The following FNDC3A variants were observed in gnomAD, a reference collection of about 807,000 sequenced individuals.
FNDC3A encodes fibronectin type-III domain-containing protein 3A.
A neutral mutation model predicts 148.9 loss-of-function variants in FNDC3A; 32 were observed. The ratio of observed to expected loss-of-function variants is 0.21; its 90% CI spans 0.16 to 0.29. The LOEUF is 0.29. FNDC3A is among the 10% of genes least tolerant of loss of function. FNDC3A has a pLI of 1.00. For missense variants in FNDC3A, 1,191 were observed against 1,452.8 expected (o/e 0.82, Z 2.93); for synonymous variants, 472 against 473.6 (o/e 1.00, Z 0.04).
chr13:49,037,245 A>T (rs1049042079), intron 2 of FNDC3A, among the ~76,000 whole-genome samples: 7 of 152,248 alleles, frequency 4.6e-5, no homozygotes, highest in African/African-American at 1.7e-4. Context: ...ACTATATGCC[A>T]GTCACTGTTC....
At chr13:49,006,062 T>C (rs967674746) in intron 1 of FNDC3A, 90 bp from the exon 2 acceptor site, 18 of 493,872 alleles carry the variant, frequency 3.6e-5, no homozygotes, top group Admixed American at 1.2e-4. Context: ...AATATCTCTT[T>C]AGGTTAAAGA....
intron 8 of FNDC3A, among the ~76,000 whole-genome samples, chr13:49,155,178 T>G (rs1404323039): frequency 6.6e-6 from 1 of 151,918 alleles, no homozygotes; most frequent in Admixed American, 6.6e-5. Context: ...AACTATTGAT[T>G]ATCGCCACAA....
chr13:48,996,968 C>T (rs1196431585), intron 1 of FNDC3A, among the ~76,000 whole-genome samples: 1 of 151,168 alleles, frequency 6.6e-6, no homozygotes. Context: ...GAGGGTGAGA[C>T]AGGAAAATTG....
At chr13:48,999,757 T>G (rs1047507924) in intron 1 of FNDC3A, among the ~76,000 whole-genome samples, 2 of 152,120 alleles carry the variant, frequency 1.3e-5, no homozygotes, top group Admixed American at 6.5e-5. Context: ...GGAGCTCCCA[T>G]GATGTGATTA....
At chr13:49,107,220 A>G (rs1880252107) in intron 3 of FNDC3A, among the ~76,000 whole-genome samples, 1 of 149,946 alleles carries the variant, frequency 6.7e-6, no homozygotes, top group East Asian at 1.9e-4. Flanking sequence ...GTCAGAAAAT[A>G]GAGTCATGTT....
At chr13:49,182,969 C>T (rs555128415) in intron 14 of FNDC3A, among the ~76,000 whole-genome samples, 13 of 152,182 alleles carry the variant, frequency 8.5e-5, no homozygotes, top group African/African-American at 3.1e-4. Flanking sequence ...TCTTTTTTCA[C>T]CTTCCAATCC....
At chr13:49,028,218 A>AC in intron 2 of FNDC3A, among the ~76,000 whole-genome samples, 1 of 152,010 alleles carries the variant, frequency 6.6e-6, no homozygotes. Flanking sequence ...CTGTCTTAAA[A>AC]AAAAAAAAAT....
chr13:49,145,164 C>T (rs188745276), intron 7 of FNDC3A, among the ~76,000 whole-genome samples: 82 of 152,250 alleles, frequency 5.4e-4, no homozygotes, highest in African/African-American at 1.6e-3. Context: ...ACACATCTTA[C>T]ATTTTATAAT....
chr13:49,165,699 G>A (rs113685801), intron 8 of FNDC3A, among the ~76,000 whole-genome samples: 82 of 152,288 alleles, frequency 5.4e-4, no homozygotes, highest in African/African-American at 1.6e-3. Context: ...GGTCAGGCAG[G>A]TGGCCAGGTG....
At chr13:49,137,647 G>A (rs981988423) in intron 6 of FNDC3A, among the ~76,000 whole-genome samples, 1 of 152,094 alleles carries the variant, frequency 6.6e-6, no homozygotes, top group Non-Finnish European at 1.5e-5. Flanking sequence ...TATGGACTTT[G>A]AGCACTATTA....
rs557948053 is a variant in FNDC3A, at chr13:49,082,192, T to C, written c.175+6828T>C. ...CCTGTGGTCAGGAGTTCGAGACCAG[T>C]TGGACCAACATGATGAAACCCTGTC... On this transcript the variant is annotated intron_variant, in intron 3 of 25. Transcript: ENST00000492622. 2.8e-4 allele frequency among the ~76,000 whole-genome samples: 42 copies of C among 152,024 alleles called. No homozygotes were observed. The South Asian group carries it at 8.5e-3, about 31-fold the overall frequency.
chr13:49,054,320 C>A (rs1370616209), intron 2 of FNDC3A, among the ~76,000 whole-genome samples: 1 of 152,114 alleles, frequency 6.6e-6, no homozygotes, highest in East Asian at 1.9e-4. Flanking sequence ...AAACATAATT[C>A]ATTTCCATTA....
At chr13:49,074,510 A>G (rs546555950) in intron 2 of FNDC3A, among the ~76,000 whole-genome samples, 4 of 152,364 alleles carry the variant, frequency 2.6e-5, no homozygotes, top group Admixed American at 2.0e-4. Context: ...ATTGTTCACA[A>G]TAATGGTAAA....
intron 2 of FNDC3A, among the ~76,000 whole-genome samples, chr13:49,025,116 T>C (rs1873607918): frequency 6.6e-6 from 1 of 151,908 alleles, no homozygotes; most frequent in African/African-American, 2.4e-5. Flanking sequence ...CAAATACTGC[T>C]TTTTTGGAAT....
At chr13:49,203,926 C>T (rs1177258238) in intron 25 of FNDC3A, among the ~76,000 whole-genome samples, 1 of 152,194 alleles carries the variant, frequency 6.6e-6, no homozygotes, top group East Asian at 1.9e-4. Flanking sequence ...ATAGGCCATA[C>T]TGTGGCTTTT....
intron 3 of FNDC3A, among the ~76,000 whole-genome samples, chr13:49,085,346 C>T (rs1878735569): frequency 6.6e-6 from 1 of 152,210 alleles, no homozygotes; most frequent in Admixed American, 6.5e-5. Context: ...TTGTCCTTCT[C>T]TCATGTTCTA....
chr13:49,021,147 G>A (rs1873296650), intron 2 of FNDC3A, among the ~76,000 whole-genome samples: 1 of 152,160 alleles, frequency 6.6e-6, no homozygotes, highest in South Asian at 2.1e-4. Flanking sequence ...AATATATACT[G>A]CCAAAATGAA....
At chr13:49,006,384 G>T (rs866311556) in intron 2 of FNDC3A, 95 bp downstream of exon 2, 1 of 530,466 alleles carries the variant, frequency 1.9e-6, no homozygotes. Context: ...CTGTTAATTC[G>T]TGTTTTAAAT....
chr13:49,060,146 C>T (rs894606305), intron 2 of FNDC3A, among the ~76,000 whole-genome samples: 14 of 152,074 alleles, frequency 9.2e-5, no homozygotes, highest in Admixed American at 7.2e-4. Flanking sequence ...CTAATTATTC[C>T]ACAAGTACTA....
Sources: allele counts gnomAD v4.1 joint callset (sites outside exome capture counted in the v4.1 genomes callset), GRCh38; gene constraint gnomAD v4.1.1; transcripts MANE v1.5; gene names NCBI Gene and HGNC (gene_info 2026-07-23, HGNC 2026-07-21).